The following AKAP9 variants were observed in gnomAD, a reference collection of about 807,000 sequenced individuals.
AKAP9 encodes A-kinase anchoring protein 9, also known as A-kinase anchor protein 9.
A neutral mutation model predicts 488.5 loss-of-function variants in AKAP9; 311 were observed. That is an observed-to-expected ratio of 0.64 (90% CI 0.58 to 0.70). AKAP9 has a LOEUF of 0.70. Ranked by LOEUF, AKAP9 falls within the 30% of genes least tolerant of loss-of-function variation. AKAP9 has a pLI of 0.00. For missense variants in AKAP9, 4,215 were observed against 4,374.5 expected (o/e 0.96, Z 1.03); for synonymous variants, 1,462 against 1,483.5 (o/e 0.99, Z 0.33).
chr7:92,014,980 T>G (rs1801310585), intron 10 of AKAP9, among the ~76,000 whole-genome samples: 1 of 152,204 alleles, frequency 6.6e-6, no homozygotes, highest in Non-Finnish European at 1.5e-5. Context: ...GGTCCCAGTT[T>G]CTTTGTCTGT....
intron 14 of AKAP9, among the ~76,000 whole-genome samples, chr7:92,023,803 G>C (rs1802669967): frequency 6.6e-6 from 1 of 152,068 alleles, no homozygotes; most frequent in Admixed American, 6.5e-5. Context: ...CTGACCCCAA[G>C]ATACTGGTGA....
chr7:92,038,780 T>A lies in AKAP9; in HGVS notation c.4692+8T>A. ...TTTATAGTTAGACAGTCTGTAAGTA[T>A]GCCTCCTTGAATATAAAAAACTTAT... On this transcript the variant is annotated splice_region_variant and intron_variant, in intron 17 of 49. Coordinates refer to ENST00000356239, the MANE Select transcript of AKAP9 (RefSeq NM_005751.5). The A allele has an allele frequency of 6.4e-7, 1 of 1,556,190 alleles. No individual in the cohort carries two copies. The highest frequency in any genetic ancestry group is 8.8e-7 in the Non-Finnish European group (1 of 1,135,014).
intron 1 of AKAP9, among the ~76,000 whole-genome samples, chr7:91,952,126 A>G (rs992380374): frequency 1.3e-5 from 2 of 152,200 alleles, no homozygotes; most frequent in East Asian, 3.8e-4. Context: ...ATAACTTAGT[A>G]TTTACTCGAG....
intron 1 of AKAP9, among the ~76,000 whole-genome samples, chr7:91,944,148 C>G (rs1791128306): frequency 6.6e-6 from 1 of 151,816 alleles, no homozygotes; most frequent in Admixed American, 6.6e-5. Context: ...TAAAATAATT[C>G]TACAAAGACT....
At position 92,003,107 on chromosome 7, in the gene AKAP9, G is replaced by C; in HGVS notation, c.3190G>C (p.Glu1064Gln). Residue 1064 changes from glutamate to glutamine, a missense_variant, in exon 8 of 50, where the codon GAA becomes CAA. Transcript: ENST00000356239. The part of the protein sequence containing the change: ...VSFENMTVGE[E>Q]SKQEQLILDH... ...TTTTGAAAATATGACTGTTGGAGAA[G>C]AAAGTAAGCAAGAACAGTTGATTTT... is the stretch of plus-strand genomic sequence containing the variant. The C allele has an allele frequency of 6.2e-7, 1 of 1,611,960 alleles. No individual in the cohort carries two copies. The highest frequency in any genetic ancestry group is 1.7e-4 in the Middle Eastern group (1 of 6,054).
At chr7:92,039,531 TAGA>T (rs1805722274) in intron 17 of AKAP9, among the ~76,000 whole-genome samples, 1 of 152,238 alleles carries the variant, frequency 6.6e-6, no homozygotes, top group African/African-American at 2.4e-5. Flanking sequence ...TATTTATTAA[TAGA>T]AGATCCATTC....
chr7:91,962,600 A>C (rs1312541541), intron 1 of AKAP9, among the ~76,000 whole-genome samples: 1 of 152,170 alleles, frequency 6.6e-6, no homozygotes, highest in Non-Finnish European at 1.5e-5. Context: ...CAGAGAACAA[A>C]AGAAAGCCCT....
intron 8 of AKAP9, among the ~76,000 whole-genome samples, chr7:92,009,433 C>CTAT (rs1392071256): frequency 1.3e-5 from 2 of 151,988 alleles, no homozygotes; most frequent in Admixed American, 6.6e-5. Context: ...AATATAAAAC[C>CTAT]TGAATAAGCC....
intron 25 of AKAP9, 114 bp downstream of exon 25, chr7:92,065,577 T>C (rs1810639348): frequency 1.2e-5 from 9 of 752,274 alleles, no homozygotes. Context: ...TTCAGTGTTT[T>C]ATTAGGTGTC....
Position 91,959,302 on chromosome 7 carries a change from A to G in AKAP9, c.49-14409A>G, listed in dbSNP as rs150609850. 2.4e-3 allele frequency among the ~76,000 whole-genome samples: 362 copies of G among 151,412 alleles called. 1 individual carries two copies. Among genetic ancestry groups the G allele is most frequent in the Non-Finnish European group, 3.8e-3 (258 of 67,818 alleles). ...TAATTTTAATTTTATTATTACTACTATTTTTGAGATAGGATCTCACTCTGT... is the reference window on the plus strand; with the variant it reads ...TAATTTTAATTTTATTATTACTACTGTTTTTGAGATAGGATCTCACTCTGT... On this transcript the variant is annotated intron_variant, in intron 1 of 49. Coordinates refer to ENST00000356239, the MANE Select transcript of AKAP9 (RefSeq NM_005751.5).
chr7:91,966,324 C>T (rs1217998228), intron 1 of AKAP9, among the ~76,000 whole-genome samples: 3 of 151,898 alleles, frequency 2.0e-5, no homozygotes, highest in African/African-American at 7.2e-5. Context: ...TTTGTAGTTT[C>T]AGGTCTTAGA....
Position 92,002,819 on chromosome 7 carries a change from C to A in AKAP9, c.2902C>A (p.Gln968Lys). The change falls in exon 8 of 50, where the codon CAG becomes AAG. Residue 968 changes from glutamine to lysine, a missense_variant. Gln to Lys is a moderately conservative substitution (Grantham distance 53). This residue lies in a region of AKAP9 where 2,361 missense variants were observed against 2,430.0 expected (regional missense o/e 0.97). Coordinates refer to ENST00000356239, the MANE Select transcript of AKAP9 (RefSeq NM_005751.5). ...GTCTGATCTTTCTGAACAATTGAAACAGAAACATGGTGAGATTAGTTTTCT... is the reference window on the plus strand; with the variant it reads ...GTCTGATCTTTCTGAACAATTGAAAAAGAAACATGGTGAGATTAGTTTTCT... Reference protein sequence around the residue: ...RLSDLSEQLKQKHGEISFLNE... With the variant: ...RLSDLSEQLKKKHGEISFLNE... The A allele has an allele frequency of 6.2e-7, 1 of 1,613,556 alleles. No homozygotes were observed. Among genetic ancestry groups the A allele is most frequent in the South Asian group, 1.1e-5 (1 of 91,040 alleles).
intron 7 of AKAP9, among the ~76,000 whole-genome samples, chr7:91,999,760 C>A (rs541754071): frequency 6.6e-6 from 1 of 152,126 alleles, no homozygotes; most frequent in African/African-American, 2.4e-5. Context: ...CTAGAGCAAC[C>A]AAAATTCTCA....
intron 35 of AKAP9, 31 bp downstream of exon 35, chr7:92,084,971 C>T: frequency 1.9e-6 from 3 of 1,607,560 alleles, no homozygotes; most frequent in South Asian, 1.1e-5. Context: ...TTTATTAACT[C>T]AGCCAGTGTT....
intron 28 of AKAP9, among the ~76,000 whole-genome samples, chr7:92,075,652 C>T (rs1232574756): frequency 3.9e-5 from 6 of 152,184 alleles, no homozygotes; most frequent in East Asian, 1.9e-4. Context: ...GACGTCCATC[C>T]TCATCTCTAA....
chr7:92,093,296 A>G lies in AKAP9; in HGVS notation c.9558A>G (p.Leu3186=). The G allele has an allele frequency of 6.2e-7, 1 of 1,614,062 alleles. No individual in the cohort carries two copies. Among genetic ancestry groups the G allele is most frequent in the Non-Finnish European group, 8.5e-7 (1 of 1,180,002 alleles). The change falls in exon 39 of 50, where the codon CTA becomes CTG. Residue 3186 remains leucine, a synonymous_variant. Coordinates refer to ENST00000356239, the MANE Select transcript of AKAP9 (RefSeq NM_005751.5). ...ETTLKAQHKH[L]KELEAFRLEV... Reference sequence around the variant, plus strand: ...CACTCAAGGCACAGCATAAACACCTAAAAGAATTGGAGGCTTTCAGGTGTG... The same window carrying G: ...CACTCAAGGCACAGCATAAACACCTGAAAGAATTGGAGGCTTTCAGGTGTG...
Position 92,022,876 on chromosome 7 carries a change from C to G in AKAP9, c.4015C>G (p.Gln1339Glu). 1 of 1,610,760 alleles carries G rather than the reference C, an allele frequency of 6.2e-7. No homozygotes were observed. The highest frequency in any genetic ancestry group is 8.5e-7 in the Non-Finnish European group (1 of 1,177,382). Residue 1339 changes from glutamine (Q) to glutamate (E), a missense_variant, in exon 14 of 50, where the codon CAA (glutamine) becomes GAA (glutamate). Physicochemically the swap from Gln to Glu is conservative, Grantham distance 29. Coordinates refer to ENST00000356239, the MANE Select transcript of AKAP9 (RefSeq NM_005751.5). ...TCTTGAAAAAACTAAACTTGAAGAA[C>G]AAGTTCAAGAATTAGAAAGCCTCAT... ...QDLEKTKLEE[Q>E]VQELESLISS...
rs1440764679 is a variant in AKAP9, at chr7:92,002,464, T to C, written c.2547T>C (p.Thr849=). Reference sequence around the variant, plus strand: ...AAGAGATTGAAAAGCAAAGGAACACTTTTTCATTTGCTGAAAAAAACTTTG... The same window carrying C: ...AAGAGATTGAAAAGCAAAGGAACACCTTTTCATTTGCTGAAAAAAACTTTG... The part of the protein sequence containing the change: ...LNEEIEKQRN[T]FSFAEKNFEV... The change falls in exon 8 of 50, where the codon ACT becomes ACC. Residue 849 remains threonine (T), a synonymous_variant. Transcript: ENST00000356239. The C allele has an allele frequency of 6.2e-7, 1 of 1,610,530 alleles. No homozygotes were observed. Among genetic ancestry groups the C allele is most frequent in the Non-Finnish European group, 8.5e-7 (1 of 1,179,050 alleles).
rs185370068 is a variant in AKAP9, at chr7:91,945,776, A to G, written c.48+4629A>G. On this transcript the variant is annotated intron_variant, in intron 1 of 49. Transcript: ENST00000356239. The stretch of plus-strand genomic sequence containing the variant: ...ACATAGGTTGTCCTTGTGTTGAACC[A>G]AACTATTTTAACTCCATTTTAAATG... Among the ~76,000 whole-genome samples the G allele has an allele frequency of 3.4e-3, 516 of 152,304 alleles. 1 individual carries two copies. Among genetic ancestry groups the G allele is most frequent in the Non-Finnish European group, 5.8e-3 (396 of 68,022 alleles).
Sources: allele counts gnomAD v4.1 joint callset (sites outside exome capture counted in the v4.1 genomes callset), GRCh38; gene constraint gnomAD v4.1.1; regional missense constraint gnomAD v4.1.1; transcripts MANE v1.5; gene names NCBI Gene and HGNC (gene_info 2026-07-23, HGNC 2026-07-21).